Variants in CRYBA4 observed in about 807,000 individuals in gnomAD.
The protein encoded by CRYBA4 is crystallin beta A4.
In CRYBA4, 30 loss-of-function variants were observed where a neutral mutation model predicts 31.7. The observed-to-expected ratio is 0.95, with a 90% CI of 0.71 to 1.28. CRYBA4 has a LOEUF of 1.28. CRYBA4 is among the 50% of genes most tolerant of loss of function. The pLI is 0.00. For synonymous variants in CRYBA4, 102 were observed against 102.3 expected (o/e 1.00, Z 0.02); for missense variants, 225 against 260.7 (o/e 0.86, Z 0.94).
chr22:26,625,476 T>C lies in CRYBA4; in HGVS notation c.159-5T>C. On this transcript the variant is annotated splice_polypyrimidine_tract_variant and splice_region_variant and intron_variant, in intron 3 of 5. Coordinates refer to ENST00000354760, the MANE Select transcript of CRYBA4 (RefSeq NM_001886.3). The stretch of plus-strand genomic sequence containing the variant: ...CCTCCTGCACACTCTACCCTCTGTC[T>C]GCAGGTGGGTGGGCTTTGAGCATGC... 1 of 1,613,798 alleles carries C rather than the reference T, an allele frequency of 6.2e-7. No individual in the cohort carries two copies. The highest frequency in any genetic ancestry group is 1.1e-5 in the South Asian group (1 of 91,066).
the CRYBA4 span, among the ~76,000 whole-genome samples, chr22:26,611,051 A>G: frequency 6.6e-6 from 1 of 152,178 alleles, no homozygotes; most frequent in South Asian, 2.1e-4. Flanking sequence ...CACTCTGCCC[A>G]AGGATGACTA....
the CRYBA4 span, among the ~76,000 whole-genome samples, chr22:26,613,443 A>G: frequency 2.8e-4 from 43 of 152,258 alleles, no homozygotes; most frequent in Non-Finnish European, 5.3e-4. Flanking sequence ...AAGCCATGGC[A>G]GAAGAACGTG....
the CRYBA4 span, chr22:26,601,758 G>C: frequency 6.6e-7 from 1 of 1,515,462 alleles, no homozygotes; most frequent in East Asian, 2.4e-5. Flanking sequence ...AGCACTGGGA[G>C]ACTGTGGAAG....
At chr22:26,611,711 T>C in the CRYBA4 span, among the ~76,000 whole-genome samples, 2 of 152,076 alleles carry the variant, frequency 1.3e-5, no homozygotes, top group African/African-American at 4.8e-5. Context: ...CCTGACCTCG[T>C]GATCCACCCG....
the CRYBA4 span, chr22:26,602,041 G>T: frequency 6.2e-7 from 1 of 1,612,804 alleles, no homozygotes; most frequent in Non-Finnish European, 8.5e-7. Context: ...GAGAGGCCGG[G>T]TCAGGTGTGT....
chr22:26,591,885 G>C, the CRYBA4 span, among the ~76,000 whole-genome samples: 1 of 72,850 alleles, frequency 1.4e-5, no homozygotes, highest in Non-Finnish European at 2.8e-5. Flanking sequence ...TCCATCCTGG[G>C]TGAGTACACA....
intron 4 of CRYBA4, among the ~76,000 whole-genome samples, chr22:26,627,517 T>TTTCTTTCC: frequency 7.4e-6 from 1 of 134,304 alleles, no homozygotes; most frequent in African/African-American, 2.8e-5. Flanking sequence ...TCTTTCTTTC[T>TTTCTTTCC]TTCTTTCTCT....
intron 4 of CRYBA4, among the ~76,000 whole-genome samples, chr22:26,627,430 CTTTCTTTCTTTCTTTCCTTCTTTCTTTT>C (rs1929764486): frequency 1.1e-5 from 1 of 91,172 alleles, no homozygotes; most frequent in African/African-American, 4.8e-5. Context: ...CTTTCTTTTT[CTTTCTTTCTTTCTTTCCTTCTTTCTTTT>C]TCTTTCTTTC....
At chr22:26,613,373 C>T in the CRYBA4 span, among the ~76,000 whole-genome samples, 16 of 152,336 alleles carry the variant, frequency 1.1e-4, no homozygotes, top group East Asian at 2.1e-3. Context: ...AGAGAAACTC[C>T]TGTATGTGTG....
chr22:26,607,999 T>C, the CRYBA4 span: 1 of 1,614,186 alleles, frequency 6.2e-7, no homozygotes, highest in Non-Finnish European at 8.5e-7. Flanking sequence ...CCGCGGAAGT[T>C]GGACTGCTCA....
intron 2 of CRYBA4, 34 bp downstream of exon 2, chr22:26,622,669 G>A: frequency 6.7e-7 from 1 of 1,500,738 alleles, no homozygotes; most frequent in Non-Finnish European, 9.3e-7. Context: ...GTGTTCAGGG[G>A]GTATGGGGAG....
chr22:26,628,246 A>C, intron 4 of CRYBA4, 42 bp from the exon 5 acceptor site: 1 of 1,613,542 alleles, frequency 6.2e-7, no homozygotes, highest in Non-Finnish European at 8.5e-7. Context: ...TGGGTTTCCA[A>C]CTGGGAGCCT....
the CRYBA4 span, among the ~76,000 whole-genome samples, chr22:26,612,449 G>A: frequency 2.0e-5 from 3 of 152,062 alleles, no homozygotes; most frequent in Non-Finnish European, 4.4e-5. Flanking sequence ...TGCAACCTCC[G>A]CCTCCCAGGC....
chr22:26,608,119 C>T, the CRYBA4 span: 3 of 1,587,326 alleles, frequency 1.9e-6, no homozygotes, highest in Non-Finnish European at 2.6e-6. Context: ...CAAGGCAGCC[C>T]TGAGGACAGT....
Position 26,621,985 on chromosome 22 carries a change from C to A in CRYBA4, c.-14C>A, listed in dbSNP as rs532855216. 40 of 986,164 alleles carry A rather than the reference C, an allele frequency of 4.1e-5. No homozygotes were observed. The highest frequency in any genetic ancestry group is 4.7e-5 in the Non-Finnish European group (39 of 830,300). The allele number at this position is 986,164 out of a possible 1,614,324, so 61.1% of individuals were successfully genotyped here. A position where few individuals can be genotyped will look rare whatever the true frequency, so the allele number is the denominator to read the frequency against. ...TCTGACATGTTCCCTGGGCCTATCT[C>A]GGTAAGTCCCAGGTTTGGAGGAGGG... On this transcript the variant is annotated splice_region_variant and 5_prime_UTR_variant, in exon 1 of 6. The change creates a premature stop within an existing upstream ORF in the 5' untranslated region. Coordinates refer to ENST00000354760, the MANE Select transcript of CRYBA4 (RefSeq NM_001886.3).
chr22:26,607,502 A>G, the CRYBA4 span, among the ~76,000 whole-genome samples: 156 of 148,046 alleles, frequency 1.1e-3, 1 homozygote, highest in East Asian at 0.029. Context: ...GGCTGCAGTG[A>G]GCTATGATCA....
the CRYBA4 span, among the ~76,000 whole-genome samples, chr22:26,611,403 G>A: frequency 2.6e-5 from 4 of 152,242 alleles, no homozygotes; most frequent in East Asian, 7.7e-4. Context: ...GACAGCGAGT[G>A]GACACTTCAC....
upstream of CRYBA4, among the ~76,000 whole-genome samples, chr22:26,621,376 C>A (rs188118828): frequency 5.9e-5 from 9 of 152,194 alleles, no homozygotes; most frequent in Non-Finnish European, 1.3e-4. Flanking sequence ...AAGTTCCCAC[C>A]TCTGAACTTT....
chr22:26,604,185 C>T, the CRYBA4 span, among the ~76,000 whole-genome samples: 7 of 152,268 alleles, frequency 4.6e-5, no homozygotes, highest in African/African-American at 1.2e-4. Flanking sequence ...ACCCACAGAC[C>T]TTGGTTCAAA....
Sources: allele counts gnomAD v4.1 joint callset (sites outside exome capture counted in the v4.1 genomes callset), GRCh38; gene constraint gnomAD v4.1.1; transcripts MANE v1.5; gene names NCBI Gene and HGNC (gene_info 2026-07-23, HGNC 2026-07-21).